DOCK3: variants seen among roughly 807,000 people sequenced by gnomAD.
DOCK3 encodes dedicator of cytokinesis 3.
A neutral mutation model predicts 265.6 loss-of-function variants in DOCK3; 60 were observed. That is an observed-to-expected ratio of 0.23 (90% confidence interval 0.18 to 0.28). The LOEUF is 0.28. Among genes scored for constraint, DOCK3 ranks in the 10% least tolerant of loss-of-function variants. DOCK3 has a pLI of 1.00. For missense variants in DOCK3, 1,981 were observed against 2,594.3 expected (o/e 0.76, Z 5.14); for synonymous variants, 881 against 938.0 (o/e 0.94, Z 1.11).
intron 6 of DOCK3, among the ~76,000 whole-genome samples, chr3:51,074,348 AG>A (rs943896017): frequency 6.6e-6 from 1 of 152,190 alleles, no homozygotes; most frequent in Non-Finnish European, 1.5e-5. Flanking sequence ...GCAAGAAAAG[AG>A]CTAACGTTTA....
intron 24 of DOCK3, among the ~76,000 whole-genome samples, chr3:51,274,799 T>C (rs1172841239): frequency 6.6e-6 from 1 of 151,986 alleles, no homozygotes; most frequent in Non-Finnish European, 1.5e-5. Flanking sequence ...GATACTTCAT[T>C]TAGAAGCAGA....
intron 20 of DOCK3, 37 bp from the exon 21 acceptor site, chr3:51,237,453 C>T (rs746264526): frequency 2.1e-5 from 32 of 1,547,362 alleles, no homozygotes; most frequent in Non-Finnish European, 2.8e-5. Flanking sequence ...CTGAGGCCTC[C>T]AGTGAACCCT....
chr3:51,243,786 A>G (rs914634046), intron 21 of DOCK3, among the ~76,000 whole-genome samples: 1 of 152,308 alleles, frequency 6.6e-6, no homozygotes, highest in East Asian at 1.9e-4. Context: ...ATTGCCTAAT[A>G]TGAAGCTTTC....
intron 33 of DOCK3, 78 bp downstream of exon 33, chr3:51,330,301 G>T: frequency 7.2e-7 from 1 of 1,380,028 alleles, no homozygotes; most frequent in Non-Finnish European, 1.0e-6. Flanking sequence ...GGTTGCAACT[G>T]CACTGGCAGG....
intron 22 of DOCK3, among the ~76,000 whole-genome samples, chr3:51,251,997 C>G (rs943151737): frequency 7.2e-5 from 11 of 152,120 alleles, no homozygotes; most frequent in Admixed American, 2.6e-4. Context: ...GGTTTTAGGT[C>G]TAACATTTAA....
chr3:51,225,875 AC>A (rs1256282737), intron 15 of DOCK3, 102 bp downstream of exon 15: 57 of 1,403,692 alleles, frequency 4.1e-5, no homozygotes, highest in Non-Finnish European at 5.0e-5. Flanking sequence ...GATTAAAATC[AC>A]CCCATCAGCC....
At chr3:51,069,853 G>T (rs1252276331) in intron 6 of DOCK3, among the ~76,000 whole-genome samples, 1 of 152,172 alleles carries the variant, frequency 6.6e-6, no homozygotes, top group Non-Finnish European at 1.5e-5. Flanking sequence ...GATCTAGAAA[G>T]GTTTATGGCT....
intron 3 of DOCK3, among the ~76,000 whole-genome samples, chr3:50,860,979 C>T (rs1481004355): frequency 6.6e-6 from 1 of 152,202 alleles, no homozygotes; most frequent in African/African-American, 2.4e-5. Context: ...TCCAGGGTCT[C>T]CATGCATGCC....
At chr3:51,170,354 A>ACTTCACCCATGAAGCCTTTTGG (rs1232157255) in intron 12 of DOCK3, among the ~76,000 whole-genome samples, 2 of 151,996 alleles carry the variant, frequency 1.3e-5, no homozygotes, top group African/African-American at 4.8e-5. Flanking sequence ...TGTTTAGTAG[A>ACTTCACCCATGAAGCCTTTTGG]CTTCACCCAT....
intron 22 of DOCK3, among the ~76,000 whole-genome samples, chr3:51,251,027 AC>A (rs780598558): frequency 6.6e-6 from 1 of 151,634 alleles, no homozygotes; most frequent in Non-Finnish European, 1.5e-5. Flanking sequence ...CCATCCCCCA[AC>A]CCCACAACAG....
chr3:51,260,426 T>C, intron 23 of DOCK3, 100 bp downstream of exon 23: 1 of 1,328,518 alleles, frequency 7.5e-7, no homozygotes, highest in Non-Finnish European at 1.0e-6. Context: ...CCTGCCAGGA[T>C]CATGTGTGTT....
At chr3:50,821,140 CTTTTTTT>C (rs771111717) in intron 2 of DOCK3, among the ~76,000 whole-genome samples, 14,555 of 119,488 alleles carry the variant, frequency 0.12, 826 homozygotes, top group Non-Finnish European at 0.15. Context: ...TTTCTTTTTT[CTTTTTTT>C]TTTTTTTTTT....
chr3:50,997,713 A>C (rs767542661), intron 5 of DOCK3, among the ~76,000 whole-genome samples: 1 of 152,100 alleles, frequency 6.6e-6, no homozygotes, highest in Non-Finnish European at 1.5e-5. Flanking sequence ...AGTTGAATGC[A>C]CCGCCCCACC....
chr3:51,021,288 A>C (rs1054931684), intron 5 of DOCK3, among the ~76,000 whole-genome samples: 7 of 149,944 alleles, frequency 4.7e-5, no homozygotes, highest in African/African-American at 1.8e-4. Context: ...TAATCATCAG[A>C]TTCTCCAAGG....
intron 7 of DOCK3, among the ~76,000 whole-genome samples, chr3:51,081,246 A>T (rs1228809704): frequency 6.6e-6 from 1 of 152,168 alleles, no homozygotes; most frequent in Admixed American, 6.5e-5. Context: ...CCCATGTGAT[A>T]TGGAGCAATT....
At chr3:50,752,275 C>T (rs1402200856) in intron 1 of DOCK3, among the ~76,000 whole-genome samples, 1 of 152,018 alleles carries the variant, frequency 6.6e-6, no homozygotes, top group Non-Finnish European at 1.5e-5. Flanking sequence ...CTTTGGGAGG[C>T]CGAGGCAGGC....
chr3:51,312,959 A>G, intron 31 of DOCK3, 57 bp downstream of exon 31: 3 of 1,469,168 alleles, frequency 2.0e-6, no homozygotes, highest in South Asian at 2.4e-5. Context: ...AATAGAAAGT[A>G]GCAAGACTAA....
intron 12 of DOCK3, among the ~76,000 whole-genome samples, chr3:51,170,121 CA>C (rs1460023155): frequency 6.6e-6 from 1 of 152,020 alleles, no homozygotes; most frequent in Admixed American, 6.6e-5. Context: ...AATGTTCAAC[CA>C]GTAAGTATAA....
intron 4 of DOCK3, among the ~76,000 whole-genome samples, chr3:50,897,312 G>A (rs1038429045): frequency 3.3e-5 from 5 of 152,134 alleles, no homozygotes; most frequent in Admixed American, 3.3e-4. Context: ...GAATGCTTGT[G>A]ATTTTTGCAC....
Sources: allele counts gnomAD v4.1 joint callset (sites outside exome capture counted in the v4.1 genomes callset), GRCh38; gene constraint gnomAD v4.1.1; transcripts MANE v1.5; gene names NCBI Gene and HGNC (gene_info 2026-07-23, HGNC 2026-07-21).